The following FRYL variants were observed in gnomAD, a reference collection of about 807,000 sequenced individuals.
FRYL encodes the protein FRY like transcription coactivator.
In FRYL, 150 loss-of-function variants were observed where a neutral mutation model predicts 351.2. The ratio of observed to expected loss-of-function variants is 0.43; its 90% CI spans 0.37 to 0.49. FRYL has a LOEUF of 0.49. Ranked by LOEUF, FRYL falls within the 20% of genes least tolerant of loss-of-function variation. The probability of loss-of-function intolerance (pLI) is 0.00; values close to 1 mark genes in which losing one functional copy is unlikely to be tolerated. For missense variants in FRYL, 3,036 were observed against 3,619.3 expected (o/e 0.84, Z 4.13); for synonymous variants, 1,153 against 1,257.1 (o/e 0.92, Z 1.75).
At chr4:48,641,097 G>C (rs1444684258) in intron 3 of FRYL, among the ~76,000 whole-genome samples, 1 of 152,194 alleles carries the variant, frequency 6.6e-6, no homozygotes, top group South Asian at 2.1e-4. Flanking sequence ...GGTGAGGCCA[G>C]TTGAATTGGT....
intron 25 of FRYL, among the ~76,000 whole-genome samples, chr4:48,573,513 C>T (rs968069038): frequency 2.0e-5 from 3 of 152,114 alleles, no homozygotes; most frequent in African/African-American, 4.8e-5. Flanking sequence ...AATCCACATA[C>T]GTTTTACTTA....
At chr4:48,533,599 T>A (rs1465881208) in intron 49 of FRYL, among the ~76,000 whole-genome samples, 1 of 152,202 alleles carries the variant, frequency 6.6e-6, no homozygotes, top group Non-Finnish European at 1.5e-5. Context: ...ACACAACATA[T>A]TAATCTATTA....
At position 48,606,538 on chromosome 4, in the gene FRYL, T is replaced by C; in HGVS notation, c.641A>G (p.His214Arg). ...KELRQKEQSP[H>R]VVQSVISLIM... ...TAAGCTGATGACACTTTGTACCACA[T>C]GTGGGCTTTGTTCCTTTTGTCGCAG... Residue 214 changes from histidine to arginine, a missense_variant, in exon 10 of 64, where the codon CAT (histidine) becomes CGT (arginine). By Grantham distance (29) the His-to-Arg change is conservative. Transcript: ENST00000358350. The C allele has an allele frequency of 2.5e-6, 4 of 1,613,402 alleles. No homozygotes were observed. Among genetic ancestry groups the C allele is most frequent in the Non-Finnish European group, 1.7e-6 (2 of 1,179,462 alleles).
intron 13 of FRYL, among the ~76,000 whole-genome samples, chr4:48,597,893 T>A (rs1423989859): frequency 6.6e-6 from 1 of 152,216 alleles, no homozygotes; most frequent in Non-Finnish European, 1.5e-5. Flanking sequence ...AATGCTGCTA[T>A]ATGTCTGAAT....
chr4:48,595,838 G>A, intron 14 of FRYL, 59 bp downstream of exon 14: 2 of 1,193,562 alleles, frequency 1.7e-6, no homozygotes, highest in East Asian at 2.4e-5. Context: ...ATTCCCAATA[G>A]TGTGTTTTTT....
chr4:48,679,040 T>C (rs546111156), intron 3 of FRYL, among the ~76,000 whole-genome samples: 5 of 152,186 alleles, frequency 3.3e-5, no homozygotes, highest in Non-Finnish European at 7.4e-5. Flanking sequence ...TTATGTAGGC[T>C]GTAGTAAAGT....
In FRYL at chr4:48,761,639, T is replaced by C. The variant is rs146021274; in HGVS notation, c.-384+18439A>G. ...TTTATGCCCTATGTCTACTGTACTT[T>C]TCTTTGTTTAGATACAAGAAAGTAT... On this transcript the variant is annotated intron_variant, in intron 1 of 63. Coordinates refer to ENST00000358350, the MANE Select transcript of FRYL (RefSeq NM_015030.2). Among the ~76,000 whole-genome samples, 18 of 152,328 alleles carry C rather than the reference T, an allele frequency of 1.2e-4. No individual in the cohort carries two copies. In the East Asian group the frequency reaches 3.1e-3, roughly 26 times the overall value.
chr4:48,663,051 C>A (rs1255039168), intron 3 of FRYL, among the ~76,000 whole-genome samples: 1 of 151,980 alleles, frequency 6.6e-6, no homozygotes, highest in Non-Finnish European at 1.5e-5. Flanking sequence ...ATGTCAGAAA[C>A]AGTAAATGTG....
At chr4:48,573,761 G>C (rs2149121209) in intron 25 of FRYL, among the ~76,000 whole-genome samples, 1 of 152,204 alleles carries the variant, frequency 6.6e-6, no homozygotes, top group Non-Finnish European at 1.5e-5. Context: ...ATGTTGGTCA[G>C]GCTGGTCTCA....
Position 48,531,161 on chromosome 4 carries a change from A to G in FRYL, c.6898T>C (p.Ser2300Pro), listed in dbSNP as rs1389193421. 5 of 1,581,700 alleles carry G rather than the reference A, an allele frequency of 3.2e-6. No homozygotes were observed. The Admixed American group carries it at 5.0e-5, about 16-fold the overall frequency. ...TCAATTTCTGAGCATCTTACCTCAG[A>G]TATATCAAAATGAAAATCTAAGGTC... is the stretch of plus-strand genomic sequence containing the variant. ...GKTLDFHFDI[S>P]ETPIIGNKYG... Residue 2300 changes from serine to proline, a missense_variant, in exon 50 of 64, where the codon TCT becomes CCT. By Grantham distance (74) the Ser-to-Pro change is moderately conservative (BLOSUM62 -1). Transcript: ENST00000358350.
chr4:48,610,632 GTATA>G (rs1352482275), intron 7 of FRYL, among the ~76,000 whole-genome samples: 1 of 144,254 alleles, frequency 6.9e-6, no homozygotes, highest in Non-Finnish European at 1.5e-5. Flanking sequence ...ATTGAAATAT[GTATA>G]TATAGTATAT....
intron 1 of FRYL, among the ~76,000 whole-genome samples, chr4:48,776,592 T>C (rs1776049080): frequency 6.6e-6 from 1 of 152,178 alleles, no homozygotes; most frequent in South Asian, 2.1e-4. Context: ...AGACCATGGC[T>C]TGTACTGTAA....
chr4:48,656,419 A>C (rs1759154665), intron 3 of FRYL, among the ~76,000 whole-genome samples: 2 of 135,386 alleles, frequency 1.5e-5, no homozygotes, highest in South Asian at 4.4e-4. Context: ...TATAATGTAT[A>C]TATAATGTAT....
At chr4:48,643,535 A>G (rs1755737321) in intron 3 of FRYL, among the ~76,000 whole-genome samples, 1 of 152,246 alleles carries the variant, frequency 6.6e-6, no homozygotes, top group African/African-American at 2.4e-5. Context: ...AGCAGCAAAT[A>G]ATATAGGCTG....
rs925281229 is a variant in FRYL, at chr4:48,536,412, G to A, written c.6394-585C>T. On this transcript the variant is annotated intron_variant, in intron 47 of 63. Coordinates refer to ENST00000358350, the MANE Select transcript of FRYL (RefSeq NM_015030.2). ...ATGGTGGACCTCAAACTGCTCTTCC[G>A]GAAATCACCTAAAGCTCTAAGATCC... Among the ~76,000 whole-genome samples the A allele has an allele frequency of 5.9e-5, 9 of 152,144 alleles. No individual in the cohort carries two copies. In the East Asian group the frequency reaches 1.7e-3, roughly 29 times the overall value.
At chr4:48,705,726 GCATAACT>G (rs2149583276) in intron 2 of FRYL, among the ~76,000 whole-genome samples, 1 of 152,230 alleles carries the variant, frequency 6.6e-6, no homozygotes, top group South Asian at 2.1e-4. Context: ...CCAGTTGGTG[GCATAACT>G]ATACAGAGAA....
Position 48,543,813 on chromosome 4 carries a change from A to G in FRYL, c.5586T>C (p.Asp1862=), listed in dbSNP as rs757365917. 1.9e-6 allele frequency: 3 copies of G among 1,612,924 alleles called. No individual in the cohort carries two copies. The highest frequency in any genetic ancestry group is 2.5e-6 in the Non-Finnish European group (3 of 1,179,398). Residue 1862 remains aspartate, a synonymous_variant, in exon 44 of 64, where the codon GAT becomes GAC. Transcript: ENST00000358350. ...LVETVGDPGE[D]AQGFVIELLL... The stretch of plus-strand genomic sequence containing the variant: ...AAAGAATATAAGGAAATACCTGTGC[A>G]TCTTCTCCTGGATCCCCTACAGTTT...
chr4:48,651,364 A>C (rs1757674709), intron 3 of FRYL, among the ~76,000 whole-genome samples: 1 of 137,764 alleles, frequency 7.3e-6, no homozygotes, highest in East Asian at 2.2e-4. Context: ...GGATCTCAGG[A>C]TCTCACTATG....
intron 59 of FRYL, among the ~76,000 whole-genome samples, chr4:48,506,962 CTA>C (rs1491483566): frequency 5.3e-5 from 8 of 152,078 alleles, no homozygotes; most frequent in Admixed American, 4.6e-4. Flanking sequence ...TTGTCAAAAG[CTA>C]TCAGTGGATT....
Sources: gnomAD v4.1 joint callset for allele counts (sites outside exome capture counted in the v4.1 genomes callset) on GRCh38, gnomAD v4.1.1 for gene constraint, MANE v1.5 for transcripts, NCBI Gene and HGNC (gene_info 2026-07-23, HGNC 2026-07-21) for gene names.